The following HHAT variants were observed in gnomAD, a reference collection of about 807,000 sequenced individuals.
HHAT encodes the protein hedgehog acyltransferase, also known as protein-cysteine N-palmitoyltransferase HHAT.
In HHAT, 47 loss-of-function variants were observed where a neutral mutation model predicts 70.8. That is an observed-to-expected ratio of 0.66 (90% CI 0.53 to 0.85). HHAT has a LOEUF of 0.85. Ranked by LOEUF, HHAT falls within the 40% of genes least tolerant of loss-of-function variation. The probability of loss-of-function intolerance (pLI) is 0.00; values close to 1 mark genes in which losing one functional copy is unlikely to be tolerated. For missense variants in HHAT, 609 were observed against 604.8 expected, an observed-to-expected ratio of 1.01 and a Z score of -0.07; for synonymous variants, 228 against 247.6, an observed-to-expected ratio of 0.92 and a Z score of 0.74.
chr1:210,647,117 G>A (rs187775445), intron 11 of HHAT, among the ~76,000 whole-genome samples: 5 of 152,280 alleles, frequency 3.3e-5, no homozygotes, highest in Admixed American at 6.5e-5. Flanking sequence ...CGTCAGAAGC[G>A]CATTCTCTCT....
At chr1:210,403,931 CT>C (rs56979148) in intron 5 of HHAT, among the ~76,000 whole-genome samples, 93,575 of 141,158 alleles carry the variant, frequency 0.66, 31,273 homozygotes, top group African/African-American at 0.8. Context: ...AGGGCAGGGA[CT>C]TTTTTTTTTT....
At chr1:210,611,643 TG>T (rs906457396) in intron 10 of HHAT, among the ~76,000 whole-genome samples, 2 of 152,198 alleles carry the variant, frequency 1.3e-5, no homozygotes, top group Non-Finnish European at 2.9e-5. Flanking sequence ...GCTATGGGTT[TG>T]TCATATATCA....
chr1:210,607,152 T>C (rs1417911104), intron 10 of HHAT, among the ~76,000 whole-genome samples: 1 of 152,160 alleles, frequency 6.6e-6, no homozygotes, highest in Non-Finnish European at 1.5e-5. Flanking sequence ...ACCTGGTGCC[T>C]CTATGCCTGG....
At chr1:210,526,367 G>GTTTTGTTTTGTTTTGTTTTTTGTTTTTT in intron 9 of HHAT, among the ~76,000 whole-genome samples, 1 of 142,336 alleles carries the variant, frequency 7.0e-6, no homozygotes, top group Non-Finnish European at 1.5e-5. Flanking sequence ...AGTGGGTTCT[G>GTTTTGTTTTGTTTTGTTTTTTGTTTTTT]TTTTTTTTTT....
At chr1:210,521,232 C>G (rs1283153295) in intron 9 of HHAT, among the ~76,000 whole-genome samples, 1 of 152,182 alleles carries the variant, frequency 6.6e-6, no homozygotes, top group Non-Finnish European at 1.5e-5. Context: ...GAAGGTAGAA[C>G]ATGACAGCTG....
chr1:210,435,560 A>G (rs1338903181), intron 7 of HHAT, among the ~76,000 whole-genome samples: 3 of 151,724 alleles, frequency 2.0e-5, no homozygotes, highest in Non-Finnish European at 4.4e-5. Context: ...TGTTTTTCAT[A>G]GTGGCTGTAG....
intron 10 of HHAT, among the ~76,000 whole-genome samples, chr1:210,609,415 G>T (rs1666155243): frequency 1.2e-5 from 1 of 80,412 alleles, no homozygotes; most frequent in Non-Finnish European, 3.6e-5. Flanking sequence ...TTTAAAAAAT[G>T]TAATGGTGTG....
chr1:210,565,597 T>C (rs1472928190), intron 9 of HHAT, among the ~76,000 whole-genome samples: 1 of 152,026 alleles, frequency 6.6e-6, no homozygotes, highest in Non-Finnish European at 1.5e-5. Flanking sequence ...ACAGAAACGA[T>C]GACAGTGAGA....
chr1:210,655,403 T>G (rs1676178519), intron 11 of HHAT, among the ~76,000 whole-genome samples: 1 of 152,180 alleles, frequency 6.6e-6, no homozygotes, highest in Non-Finnish European at 1.5e-5. Context: ...GTTACTGGTG[T>G]TTGATTCTGA....
chr1:210,378,460 T>C (rs1192765424), intron 3 of HHAT, among the ~76,000 whole-genome samples: 2 of 152,246 alleles, frequency 1.3e-5, no homozygotes, highest in African/African-American at 4.8e-5. Context: ...TTCAGCTCTA[T>C]ACTGTTTTCT....
chr1:210,364,771 A>G (rs1016505291), intron 3 of HHAT, among the ~76,000 whole-genome samples: 4 of 152,196 alleles, frequency 2.6e-5, no homozygotes, highest in African/African-American at 9.7e-5. Flanking sequence ...ACCCCTTCTC[A>G]GTGCTCTCCA....
chr1:210,542,503 A>G, intron 9 of HHAT, among the ~76,000 whole-genome samples: 1 of 149,164 alleles, frequency 6.7e-6, no homozygotes, highest in East Asian at 1.9e-4. Context: ...AAAAATATAT[A>G]TATATATATA....
intron 9 of HHAT, among the ~76,000 whole-genome samples, chr1:210,569,240 G>C (rs1655537192): frequency 6.6e-6 from 1 of 151,788 alleles, no homozygotes; most frequent in African/African-American, 2.4e-5. Context: ...CGGGTGCAGT[G>C]GCGGGCACCT....
At chr1:210,608,323 A>G (rs765939285) in intron 10 of HHAT, among the ~76,000 whole-genome samples, 14 of 152,230 alleles carry the variant, frequency 9.2e-5, no homozygotes, top group Non-Finnish European at 1.8e-4. Context: ...ATTATTGAAT[A>G]CTCTGTGCTT....
At chr1:210,346,836 G>A (rs148635912) in intron 1 of HHAT, among the ~76,000 whole-genome samples, 2,166 of 152,366 alleles carry the variant, frequency 0.014, 20 homozygotes, top group Middle Eastern at 0.02. Flanking sequence ...TGGCAGAGTG[G>A]AGGGGCAGGG....
chr1:210,383,452 G>T (rs1202346778), intron 3 of HHAT, among the ~76,000 whole-genome samples: 1 of 151,478 alleles, frequency 6.6e-6, no homozygotes, highest in African/African-American at 2.4e-5. Flanking sequence ...AAAGATCATT[G>T]TTTGCCAGGG....
At chr1:210,383,979 GGT>G (rs1236296784) in intron 3 of HHAT, among the ~76,000 whole-genome samples, 1 of 152,076 alleles carries the variant, frequency 6.6e-6, no homozygotes, top group Non-Finnish European at 1.5e-5. Context: ...GGGGTGTGGT[GGT>G]CTTGGTGCTG....
At chr1:210,441,166 C>G (rs1193115383) in intron 7 of HHAT, among the ~76,000 whole-genome samples, 1 of 152,174 alleles carries the variant, frequency 6.6e-6, no homozygotes, top group African/African-American at 2.4e-5. Context: ...GAGGAACCTG[C>G]AGGGACTGTG....
intron 5 of HHAT, 29 bp from the exon 6 acceptor site, chr1:210,404,433 CAA>C: frequency 6.4e-7 from 1 of 1,557,016 alleles, no homozygotes; most frequent in African/African-American, 1.3e-5. Flanking sequence ...GCTGGCCACT[CAA>C]AGGTTGTTCT....
Sources: allele counts gnomAD v4.1 joint callset (sites outside exome capture counted in the v4.1 genomes callset), GRCh38; gene constraint gnomAD v4.1.1; transcripts MANE v1.5; gene names NCBI Gene and HGNC (gene_info 2026-07-23, HGNC 2026-07-21).